KDM3B: variants seen among roughly 807,000 people sequenced by gnomAD.
KDM3B encodes the protein lysine-specific demethylase 3B.
In KDM3B, 10 loss-of-function variants were observed where a neutral mutation model predicts 170.0. The ratio of observed to expected loss-of-function variants is 0.06; its 90% CI spans 0.04 to 0.10. KDM3B has a LOEUF of 0.10. KDM3B is among the 10% of genes least tolerant of loss of function. KDM3B has a pLI of 1.00. For synonymous variants in KDM3B, 831 were observed against 834.8 expected, an observed-to-expected ratio of 1.00 and a Z score of 0.08; for missense variants, 1,394 against 2,195.2, an observed-to-expected ratio of 0.64 and a Z score of 7.29.
At chr5:138,410,872 C>G (rs1762948849) in intron 11 of KDM3B, among the ~76,000 whole-genome samples, 1 of 152,200 alleles carries the variant, frequency 6.6e-6, no homozygotes, top group East Asian at 1.9e-4. Flanking sequence ...ACTTTTAGTA[C>G]TTTCACTAAT....
At chr5:138,424,038 C>G (rs1483068594) in intron 15 of KDM3B, 37 bp from the exon 16 acceptor site, 3 of 1,501,806 alleles carry the variant, frequency 2.0e-6, no homozygotes, top group African/African-American at 1.4e-5. Flanking sequence ...CTCATGGTGC[C>G]TCAGTCAAGC....
At chr5:138,379,426 C>T (rs1203960584) in intron 4 of KDM3B, among the ~76,000 whole-genome samples, 158 bp from the exon 5 acceptor site, 1 of 152,076 alleles carries the variant, frequency 6.6e-6, no homozygotes, top group East Asian at 1.9e-4. Flanking sequence ...TTAAATTGCT[C>T]AGTATGGTAA....
chr5:138,431,616 T>C lies in KDM3B; in HGVS notation c.5205+57T>C. ...CTTCTCATTGCATACTCACATACAT[T>C]ACGCAGAAAGCACATTCTCCTTTCT... is the stretch of plus-strand genomic sequence containing the variant. On this transcript the variant is annotated intron_variant, in intron 23 of 23. Coordinates refer to ENST00000314358, the MANE Select transcript of KDM3B (RefSeq NM_016604.4). 2.1e-6 allele frequency: 3 copies of C among 1,399,954 alleles called. No individual in the cohort carries two copies. In the South Asian group the frequency reaches 4.9e-5, roughly 23 times the overall value. 86.7% of individuals were successfully genotyped at this position (1,399,954 alleles called of 1,614,324 possible).
chr5:138,400,950 T>C (rs548496608), intron 11 of KDM3B, among the ~76,000 whole-genome samples: 21 of 152,044 alleles, frequency 1.4e-4, no homozygotes, highest in Non-Finnish European at 2.4e-4. Flanking sequence ...TTTTTGTCTC[T>C]GTAGATTTGC....
intron 8 of KDM3B, 58 bp downstream of exon 8, chr5:138,392,319 C>T (rs1184814041): frequency 9.1e-6 from 13 of 1,423,732 alleles, no homozygotes; most frequent in Admixed American, 7.3e-5. Context: ...AAATGCCTGT[C>T]GTGTTCTTGT....
At chr5:138,375,047 T>A (rs911800789) in intron 2 of KDM3B, 46 bp from the exon 3 acceptor site, 1 of 1,047,208 alleles carries the variant, frequency 9.5e-7, no homozygotes, top group Non-Finnish European at 1.5e-6. Flanking sequence ...ATTGCTGTTT[T>A]TTTATTCCCA....
At chr5:138,372,339 A>G (rs1477349226) in intron 1 of KDM3B, among the ~76,000 whole-genome samples, 1 of 152,190 alleles carries the variant, frequency 6.6e-6, no homozygotes, top group African/African-American at 2.4e-5. Flanking sequence ...TGAACCTAGT[A>G]TAGTACCTTA....
intron 13 of KDM3B, chr5:138,417,839 C>G (rs1337751537): frequency 2.3e-6 from 1 of 425,988 alleles, no homozygotes; most frequent in Non-Finnish European, 4.3e-6. Context: ...TGACTGATAG[C>G]ACAAAGAGAT....
intron 23 of KDM3B, among the ~76,000 whole-genome samples, chr5:138,432,996 G>A (rs959232681): frequency 1.1e-4 from 16 of 151,948 alleles, no homozygotes; most frequent in Non-Finnish European, 2.9e-5. Context: ...CGCCTGCCTC[G>A]ACCTCCCAAA....
intron 1 of KDM3B, among the ~76,000 whole-genome samples, chr5:138,359,516 A>G (rs1022731715): frequency 3.1e-5 from 4 of 129,186 alleles, no homozygotes; most frequent in Non-Finnish European, 6.4e-5. Flanking sequence ...AGTTTTGCCC[A>G]GGCTGGTTTC....
At position 138,425,434 on chromosome 5, in the gene KDM3B, T is replaced by C. The variant is rs778888049; in HGVS notation, c.4263T>C (p.His1421=). 6.2e-7 allele frequency: 1 copy of C among 1,613,880 alleles called. No individual in the cohort carries two copies. The highest frequency in any genetic ancestry group is 8.5e-7 in the Non-Finnish European group (1 of 1,179,930). The change falls in exon 17 of 24, where the codon CAT becomes CAC. Residue 1421 remains histidine (H), a synonymous_variant. Coordinates refer to ENST00000314358, the MANE Select transcript of KDM3B (RefSeq NM_016604.4). ...AGCCAGTGCTGGTTTCGGGGGTACA[T>C]AAAAAGCTCAAGTCTGAGCTCTGGA... ...QGQPVLVSGV[H]KKLKSELWKP... is the part of the protein sequence containing the mutation.
chr5:138,427,686 G>A (rs1262482144), intron 19 of KDM3B, among the ~76,000 whole-genome samples: 1 of 152,210 alleles, frequency 6.6e-6, no homozygotes, highest in Non-Finnish European at 1.5e-5. Context: ...CACAGTGAAA[G>A]CTCAGCTTTA....
At chr5:138,412,827 G>T (rs1763007816) in intron 11 of KDM3B, among the ~76,000 whole-genome samples, 1 of 152,126 alleles carries the variant, frequency 6.6e-6, no homozygotes, top group African/African-American at 2.4e-5. Context: ...TGGTTTTGTA[G>T]AAATGGGGTC....
intron 11 of KDM3B, among the ~76,000 whole-genome samples, chr5:138,414,466 A>G (rs894422594): frequency 9.2e-5 from 14 of 152,094 alleles, no homozygotes; most frequent in East Asian, 7.8e-4. Flanking sequence ...CGCCCAGCCA[A>G]TAGCAAAACT....
At chr5:138,408,289 G>T (rs1442054377) in intron 11 of KDM3B, among the ~76,000 whole-genome samples, 1 of 151,252 alleles carries the variant, frequency 6.6e-6, no homozygotes, top group East Asian at 1.9e-4. Context: ...CCACCAACTG[G>T]TCTGGGAGTC....
intron 7 of KDM3B, among the ~76,000 whole-genome samples, chr5:138,388,044 G>T (rs1762325755): frequency 6.6e-6 from 1 of 151,936 alleles, no homozygotes; most frequent in Non-Finnish European, 1.5e-5. Flanking sequence ...TTGTGCCACT[G>T]CACTCCAGCC....
Position 138,352,689 on chromosome 5 carries a change from G to A in KDM3B, c.-107G>A, listed in dbSNP as rs1761356032. 2 of 899,686 alleles carry A rather than the reference G, an allele frequency of 2.2e-6. No individual in the cohort carries two copies. The highest frequency in any genetic ancestry group is 2.8e-6 in the Non-Finnish European group (2 of 708,282). The allele number at this position is 899,686 out of a possible 1,614,324, so 55.7% of individuals were successfully genotyped here. A position where few individuals can be genotyped will look rare whatever the true frequency, so the allele number is the denominator to read the frequency against. ...GCTGTTGGGGGGGGTGGGGGGGAAC[G>A]GCGGCCGCGGGTGGTGCGGAGGGAG... On this transcript the variant is annotated 5_prime_UTR_variant, in exon 1 of 24. Coordinates refer to ENST00000314358, the MANE Select transcript of KDM3B (RefSeq NM_016604.4).
At chr5:138,393,420 C>T (rs1762481293) in intron 9 of KDM3B, 48 bp downstream of exon 9, 1 of 1,425,948 alleles carries the variant, frequency 7.0e-7, no homozygotes, top group Non-Finnish European at 9.8e-7. Flanking sequence ...ATTAGTGACA[C>T]ATAACTTCCA....
At position 138,407,177 on chromosome 5, in the gene KDM3B, G is replaced by T. The variant is rs1430220864; in HGVS notation, c.3199+7165G>T. ...ATTTCTGTATTTTTAGTAGAGACGGGGTTTTGGCATGTTGGTCAGGCAGGT... is the reference window on the plus strand; with the variant it reads ...ATTTCTGTATTTTTAGTAGAGACGGTGTTTTGGCATGTTGGTCAGGCAGGT... On this transcript the variant is annotated intron_variant, in intron 11 of 23. Transcript: ENST00000314358. 2.0e-5 allele frequency among the ~76,000 whole-genome samples: 3 copies of T among 151,800 alleles called. No individual in the cohort carries two copies. In the East Asian group the frequency reaches 5.8e-4, roughly 29 times the overall value.
Sources: gnomAD v4.1 joint callset for allele counts (sites outside exome capture counted in the v4.1 genomes callset) on GRCh38, gnomAD v4.1.1 for gene constraint, MANE v1.5 for transcripts, NCBI Gene and HGNC (gene_info 2026-07-23, HGNC 2026-07-21) for gene names.